Variants in CLASP1 observed in about 807,000 individuals in gnomAD.
The protein encoded by CLASP1 is CLIP-associating protein 1.
A neutral mutation model predicts 192.3 loss-of-function variants in CLASP1; 38 were observed. The observed-to-expected ratio is 0.20, with a 90% CI of 0.15 to 0.26. The LOEUF (loss-of-function observed/expected upper bound fraction) is 0.26, where lower values mean the gene tolerates loss of function less well. Ranked by LOEUF, CLASP1 falls within the 10% of genes least tolerant of loss-of-function variation. CLASP1 has a pLI of 1.00. For missense variants in CLASP1, 1,433 were observed against 1,932.5 expected (o/e 0.74, Z 4.85); for synonymous variants, 691 against 712.8 (o/e 0.97, Z 0.49).
At chr2:121,606,482 A>AT (rs2064429643) in intron 1 of CLASP1, among the ~76,000 whole-genome samples, 1 of 152,196 alleles carries the variant, frequency 6.6e-6, no homozygotes, top group Non-Finnish European at 1.5e-5. Flanking sequence ...TTTAGCTAGC[A>AT]TATTTATTTG....
At position 121,384,029 on chromosome 2, in the gene CLASP1, C is replaced by CAT. The variant is rs1558972031; in HGVS notation, c.3375-1706_3375-1705insAT. 3.6e-5 allele frequency among the ~76,000 whole-genome samples: 5 copies of CAT among 137,854 alleles called. No individual in the cohort carries two copies. The East Asian group carries it at 9.8e-4, about 27-fold the overall frequency. 90.4% of individuals were successfully genotyped at this position (137,854 alleles called of 152,430 possible). ...ATATACACACACACACACACACACA[C>CAT]ACATATATATGTATATATACACACA... On this transcript the variant is annotated intron_variant, in intron 32 of 39. Coordinates refer to ENST00000263710, the Ensembl canonical transcript of CLASP1.
chr2:121,570,378 T>G (rs1290288317), intron 2 of CLASP1, among the ~76,000 whole-genome samples: 1 of 152,232 alleles, frequency 6.6e-6, no homozygotes, highest in East Asian at 1.9e-4. Flanking sequence ...AATCTTCTCT[T>G]GTGTAAAAAG....
At chr2:121,407,840 C>T in intron 24 of CLASP1, 125 bp from the exon 26 acceptor site, 1 of 1,097,338 alleles carries the variant, frequency 9.1e-7, no homozygotes, top group Non-Finnish European at 1.4e-6. Flanking sequence ...CACACACACA[C>T]TTTTCCTGTG....
At chr2:121,526,837 A>C (rs1346610439) in intron 5 of CLASP1, among the ~76,000 whole-genome samples, 1 of 152,204 alleles carries the variant, frequency 6.6e-6, no homozygotes, top group Non-Finnish European at 1.5e-5. Context: ...AAAGGCTTGA[A>C]ATTTATAATT....
At position 121,461,082 on chromosome 2, in the gene CLASP1, C is replaced by T; in HGVS notation, c.1032+19G>A. The stretch of plus-strand genomic sequence containing the variant: ...AATACATCTTATGAAAATGTAATCA[C>T]ATGAAGTCAACAGCTTACAGCATTT... On this transcript the variant is annotated intron_variant, in intron 11 of 39. Coordinates refer to ENST00000263710, the Ensembl canonical transcript of CLASP1. 2.1e-6 allele frequency: 3 copies of T among 1,430,966 alleles called. No individual in the cohort carries two copies. The highest frequency in any genetic ancestry group is 2.9e-6 in the Non-Finnish European group (3 of 1,029,088). The allele number at this position is 1,430,966 out of a possible 1,614,324, so 88.6% of individuals were successfully genotyped here.
chr2:121,427,282 A>C, intron 21 of CLASP1, 122 bp downstream of exon 21: 1 of 1,235,452 alleles, frequency 8.1e-7, no homozygotes, highest in Non-Finnish European at 1.1e-6. Flanking sequence ...ACAAAGAAAA[A>C]CGCAGAAAGA....
At chr2:121,349,957 G>A (rs555757510) in intron 37 of CLASP1, among the ~76,000 whole-genome samples, 93 of 152,288 alleles carry the variant, frequency 6.1e-4, no homozygotes, top group Middle Eastern at 3.4e-3. Context: ...AAACAGGGAC[G>A]TCACAGAGAT....
chr2:121,578,764 T>C (rs78010261), intron 2 of CLASP1, among the ~76,000 whole-genome samples: 4,573 of 152,094 alleles, frequency 0.03, 107 homozygotes, highest in Non-Finnish European at 0.038. Flanking sequence ...TTTTTGCTTT[T>C]TTACATTCCA....
intron 7 of CLASP1, among the ~76,000 whole-genome samples, chr2:121,514,072 G>C (rs1413038201): frequency 1.3e-5 from 2 of 152,194 alleles, no homozygotes; most frequent in African/African-American, 4.8e-5. Flanking sequence ...TCTAAGGAAA[G>C]CAGTCTCAGG....
intron 38 of CLASP1, among the ~76,000 whole-genome samples, chr2:121,347,391 C>T (rs185534780): frequency 1.4e-3 from 213 of 152,224 alleles, no homozygotes; most frequent in Non-Finnish European, 2.6e-3. Flanking sequence ...GGTGGAGAGT[C>T]CCAGACTGGT....
intron 27 of CLASP1, 86 bp downstream of exon 28, chr2:121,401,782 T>C (rs1352834606): frequency 1.1e-6 from 1 of 906,480 alleles, no homozygotes; most frequent in Non-Finnish European, 1.8e-6. Context: ...TCTTGTAACT[T>C]AGGTTAACAC....
chr2:121,406,239 T>C (rs2076892916), intron 25 of CLASP1, among the ~76,000 whole-genome samples: 1 of 152,228 alleles, frequency 6.6e-6, no homozygotes, highest in South Asian at 2.1e-4. Context: ...TTTTTTGGTA[T>C]GTGTAATACA....
intron 1 of CLASP1, among the ~76,000 whole-genome samples, chr2:121,625,427 A>ATTTTTTTTT (rs397868546): frequency 5.2e-5 from 5 of 95,752 alleles, no homozygotes; most frequent in Non-Finnish European, 9.7e-5. Context: ...TCTTTCTTTC[A>ATTTTTTTTT]TTTTTTTTTT....
At chr2:121,580,781 AC>A (rs970526959) in intron 2 of CLASP1, among the ~76,000 whole-genome samples, 2 of 152,098 alleles carry the variant, frequency 1.3e-5, no homozygotes, top group African/African-American at 4.8e-5. Context: ...TTTTTCTTGG[AC>A]ACACAACGCA....
chr2:121,531,242 G>A (rs1254846848), intron 2 of CLASP1, among the ~76,000 whole-genome samples: 1 of 152,146 alleles, frequency 6.6e-6, no homozygotes, highest in Non-Finnish European at 1.5e-5. Flanking sequence ...AGTCAGCCCA[G>A]TAGTCTAGGT....
At chr2:121,434,831 T>G (rs931413100) in intron 19 of CLASP1, among the ~76,000 whole-genome samples, 1 of 150,844 alleles carries the variant, frequency 6.6e-6, no homozygotes. Flanking sequence ...CAACTAAAAA[T>G]GCAAAAATTA....
At chr2:121,631,103 G>C (rs1164214094) in intron 1 of CLASP1, among the ~76,000 whole-genome samples, 1 of 125,660 alleles carries the variant, frequency 8.0e-6, no homozygotes, top group Non-Finnish European at 1.6e-5. Flanking sequence ...AGGTTGCAGT[G>C]AGCCGAGATT....
At chr2:121,430,010 C>A in intron 20 of CLASP1, 63 bp downstream of exon 20, 2 of 1,250,686 alleles carry the variant, frequency 1.6e-6, no homozygotes, top group South Asian at 2.6e-5. Flanking sequence ...GTAAAATGTT[C>A]AACTGCAGAA....
intron 24 of CLASP1, among the ~76,000 whole-genome samples, chr2:121,409,820 A>G (rs2149504523): frequency 6.6e-6 from 1 of 152,328 alleles, no homozygotes; most frequent in Admixed American, 6.5e-5. Flanking sequence ...CCTGAACTCT[A>G]GCACCTGCCA....
Sources: gnomAD v4.1 joint callset for allele counts (sites outside exome capture counted in the v4.1 genomes callset) on GRCh38, gnomAD v4.1.1 for gene constraint, MANE v1.5 for transcripts, NCBI Gene and HGNC (gene_info 2026-07-23, HGNC 2026-07-21) for gene names.